The following EML1 variants were observed in gnomAD, a reference collection of about 807,000 sequenced individuals.
EML1 encodes EMAP like 1, also known as echinoderm microtubule-associated protein-like 1.
EML1 carries 27 observed loss-of-function variants against 110.4 expected under a neutral mutation model. The observed-to-expected ratio is 0.24, with a 90% confidence interval of 0.18 to 0.34. The LOEUF is 0.34. Among genes scored for constraint, EML1 ranks in the 10% least tolerant of loss-of-function variants. The probability of loss-of-function intolerance (pLI) is 1.00; values close to 1 mark genes in which losing one functional copy is unlikely to be tolerated. For synonymous variants in EML1, 344 were observed against 385.8 expected, an observed-to-expected ratio of 0.89 and a Z score of 1.27; for missense variants, 741 against 1,030.9, an observed-to-expected ratio of 0.72 and a Z score of 3.85.
intron 1 of EML1, among the ~76,000 whole-genome samples, chr14:99,775,996 C>T (rs1290189946): frequency 6.6e-6 from 1 of 152,186 alleles, no homozygotes; most frequent in Non-Finnish European, 1.5e-5. Context: ...CCAGCTAAAA[C>T]ATGATTTTTC....
At chr14:99,782,348 G>C (rs2057549293) in intron 1 of EML1, among the ~76,000 whole-genome samples, 1 of 152,196 alleles carries the variant, frequency 6.6e-6, no homozygotes, top group Non-Finnish European at 1.5e-5. Context: ...GGTGCAGGCA[G>C]TACCAGCTAG....
intron 1 of EML1, among the ~76,000 whole-genome samples, chr14:99,762,031 A>T (rs970616621): frequency 6.6e-6 from 1 of 152,086 alleles, no homozygotes. Flanking sequence ...TTGGAAACCA[A>T]TGACAATTAG....
At chr14:99,758,704 A>G (rs138996371) in intron 1 of EML1, among the ~76,000 whole-genome samples, 4 of 152,296 alleles carry the variant, frequency 2.6e-5, no homozygotes, top group African/African-American at 9.6e-5. Context: ...GCGGGTCCTC[A>G]TAAATTATGC....
At chr14:99,887,551 C>T (rs999208432) in intron 4 of EML1, among the ~76,000 whole-genome samples, 13 of 152,262 alleles carry the variant, frequency 8.5e-5, no homozygotes, top group East Asian at 7.7e-4. Context: ...ACCCCGCCAC[C>T]GCCATGGAGC....
chr14:99,937,950 AGT>A, intron 20 of EML1, 38 bp downstream of exon 20: 1 of 1,580,080 alleles, frequency 6.3e-7, no homozygotes, highest in Non-Finnish European at 8.7e-7. Context: ...CCAACAAAAG[AGT>A]GTCTCCTTTT....
chr14:99,774,296 G>A (rs2057458387), intron 1 of EML1, among the ~76,000 whole-genome samples: 1 of 152,148 alleles, frequency 6.6e-6, no homozygotes, highest in Admixed American at 6.5e-5. Context: ...GCGTGGCCTT[G>A]TGACCTCCAC....
intron 3 of EML1, among the ~76,000 whole-genome samples, chr14:99,871,953 G>A (rs940992009): frequency 2.0e-5 from 3 of 152,196 alleles, no homozygotes; most frequent in African/African-American, 7.2e-5. Context: ...GCCTTCCATT[G>A]TGCTCGGCTG....
At chr14:99,908,728 G>T (rs73343727) in intron 10 of EML1, among the ~76,000 whole-genome samples, 7,275 of 152,230 alleles carry the variant, frequency 0.048, 622 homozygotes, top group African/African-American at 0.17. Flanking sequence ...TGAAGTGCTA[G>T]ATCTACTCCA....
intron 1 of EML1, among the ~76,000 whole-genome samples, chr14:99,817,849 A>G (rs2058195467): frequency 6.6e-6 from 1 of 152,168 alleles, no homozygotes; most frequent in Non-Finnish European, 1.5e-5. Flanking sequence ...GATCACAGTA[A>G]GCAGAAGGGA....
chr14:99,865,368 G>A, intron 2 of EML1, 146 bp from the exon 3 acceptor site: 1 of 947,048 alleles, frequency 1.1e-6, no homozygotes, highest in Non-Finnish European at 1.6e-6. Flanking sequence ...ACCGTAAATA[G>A]AGATGAAGAG....
intron 1 of EML1, among the ~76,000 whole-genome samples, chr14:99,761,175 C>T (rs1390064810): frequency 2.0e-5 from 3 of 152,276 alleles, no homozygotes; most frequent in Non-Finnish European, 2.9e-5. Flanking sequence ...GTGACTTGGG[C>T]AGAGTCACAC....
chr14:99,783,136 TC>T (rs1386447591), intron 1 of EML1, among the ~76,000 whole-genome samples: 1 of 92,690 alleles, frequency 1.1e-5, no homozygotes, highest in African/African-American at 4.0e-5. Flanking sequence ...ATGCTATCCC[TC>T]CCCCCTCCCC....
At chr14:99,824,402 A>G (rs373012460) in intron 1 of EML1, among the ~76,000 whole-genome samples, 3 of 152,226 alleles carry the variant, frequency 2.0e-5, no homozygotes, top group East Asian at 3.9e-4. Context: ...ATAATACAGC[A>G]TGGATCCCTG....
Position 99,939,675 on chromosome 14 carries a change from T to TA in EML1, c.2323-312_2323-311insA, listed in dbSNP as rs371209946. ...CCGTGATCCTGACCCTGGAGACCCC[T>TA]CACCCTCAGCCCCGGGCATCTGGTT... On this transcript the variant is annotated intron_variant, in intron 21 of 21. Coordinates refer to ENST00000262233, the MANE Select transcript of EML1 (RefSeq NM_004434.3). The surrounding 1 kb of genome is among the most constrained non-coding windows in gnomAD (Gnocchi z 4.2). 4.6e-5 allele frequency among the ~76,000 whole-genome samples: 7 copies of TA among 152,194 alleles called. No individual in the cohort carries two copies. The highest frequency in any genetic ancestry group is 1.7e-4 in the African/African-American group (7 of 41,522).
At chr14:99,904,208 A>G (rs1245854682) in intron 9 of EML1, among the ~76,000 whole-genome samples, 2 of 152,184 alleles carry the variant, frequency 1.3e-5, no homozygotes, top group East Asian at 3.8e-4. Flanking sequence ...CTTTTATTCC[A>G]ATGTTTAATT....
intron 1 of EML1, among the ~76,000 whole-genome samples, chr14:99,787,663 G>A (rs1031625058): frequency 6.6e-6 from 1 of 152,128 alleles, no homozygotes; most frequent in Non-Finnish European, 1.5e-5. Context: ...GAAACAACAG[G>A]AATTAATTTT....
In EML1 at chr14:99,920,816, A is replaced by G. The variant is rs371062416; in HGVS notation, c.1848A>G (p.Lys616=). The change falls in exon 17 of 22, where the codon AAA becomes AAG. Residue 616 remains lysine, a synonymous_variant. Coordinates refer to ENST00000262233, the MANE Select transcript of EML1 (RefSeq NM_004434.3). ...GGTTTGTGTTTGACACAGAAACAAA[A>G]GACTTGGTCACCGTTCACACAGATG... is the stretch of plus-strand genomic sequence containing the variant. ...GRWFVFDTET[K]DLVTVHTDGN... is the part of the protein sequence containing the mutation. The G allele has an allele frequency of 6.2e-7, 1 of 1,613,744 alleles. No individual in the cohort carries two copies. Among genetic ancestry groups the G allele is most frequent in the East Asian group, 2.2e-5 (1 of 44,858 alleles).
chr14:99,868,638 T>A (rs957690727), intron 3 of EML1, among the ~76,000 whole-genome samples: 45 of 152,308 alleles, frequency 3.0e-4, no homozygotes, highest in African/African-American at 1.1e-3. Context: ...CTTCTCGTTT[T>A]TGTTATATCC....
upstream of EML1, among the ~76,000 whole-genome samples, chr14:99,790,170 G>C (rs2057648155): frequency 6.6e-6 from 1 of 152,076 alleles, no homozygotes; most frequent in Non-Finnish European, 1.5e-5. Flanking sequence ...TGTCTTATTT[G>C]TAACTTTAGT....
Sources: gnomAD v4.1 joint callset for allele counts (sites outside exome capture counted in the v4.1 genomes callset) on GRCh38, gnomAD v4.1.1 for gene constraint, Gnocchi (gnomAD v3.1) non-coding constraint, MANE v1.5 for transcripts, NCBI Gene and HGNC (gene_info 2026-07-23, HGNC 2026-07-21) for gene names.